Variants in PDE1A observed in about 807,000 individuals in gnomAD.
The protein encoded by PDE1A is dual specificity calcium/calmodulin-dependent 3',5'-cyclic nucleotide phosphodiesterase 1A.
In PDE1A, 35 loss-of-function variants were observed where a neutral mutation model predicts 61.7. The observed-to-expected ratio is 0.57, with a 90% CI of 0.43 to 0.75. PDE1A has a LOEUF of 0.75. PDE1A is among the 30% of genes least tolerant of loss of function. The pLI is 0.00. For synonymous variants in PDE1A, 232 were observed against 213.2 expected (o/e 1.09, Z -0.77); for missense variants, 597 against 630.6 (o/e 0.95, Z 0.57).
At chr2:182,618,576 AC>A in the PDE1A span, among the ~76,000 whole-genome samples, 50 of 58,612 alleles carry the variant, frequency 8.5e-4, no homozygotes, top group East Asian at 0.018. Context: ...TTGCAAAAAA[AC>A]AAAAGAATAG....
intron 1 of PDE1A, among the ~76,000 whole-genome samples, chr2:182,274,131 G>C (rs931898987): frequency 4.6e-5 from 7 of 151,974 alleles, no homozygotes; most frequent in Non-Finnish European, 8.8e-5. Context: ...ATTCAGGAGA[G>C]CTCTGCCCCC....
chr2:182,184,054 G>GA (rs1325067927), intron 13 of PDE1A, among the ~76,000 whole-genome samples: 1 of 135,558 alleles, frequency 7.4e-6, no homozygotes, highest in Non-Finnish European at 1.6e-5. Context: ...AAGAAAGAAA[G>GA]AACAATTAAA....
intron 1 of PDE1A, among the ~76,000 whole-genome samples, chr2:182,312,043 T>G (rs921954500): frequency 2.0e-5 from 3 of 152,216 alleles, no homozygotes; most frequent in Non-Finnish European, 4.4e-5. Flanking sequence ...TCTGATGCTA[T>G]GAGTTATCTT....
At chr2:182,191,586 G>T (rs574477490) in intron 10 of PDE1A, among the ~76,000 whole-genome samples, 2,350 of 151,676 alleles carry the variant, frequency 0.015, 35 homozygotes, top group Middle Eastern at 0.061. Flanking sequence ...CTTAGAATCA[G>T]AAGATACAGT....
At chr2:182,509,661 T>C (rs927602550) in intron 2 of PDE1A, among the ~76,000 whole-genome samples, 1 of 152,190 alleles carries the variant, frequency 6.6e-6, no homozygotes, top group Admixed American at 6.5e-5. Context: ...AGATAAAAAG[T>C]AAAATCTTTC....
At chr2:182,527,303 T>TAAAAA (rs869281717), upstream of PDE1A, among the ~76,000 whole-genome samples, 6 of 22,834 alleles carry the variant, frequency 2.6e-4, no homozygotes, top group Non-Finnish European at 3.6e-4. Flanking sequence ...CCTTTCTCTA[T>TAAAAA]AAAAAAAAAA....
the PDE1A span, among the ~76,000 whole-genome samples, chr2:182,542,370 G>A: frequency 6.6e-6 from 1 of 152,040 alleles, no homozygotes; most frequent in Non-Finnish European, 1.5e-5. Context: ...TTAGAGACAA[G>A]GCCCAGATTT....
chr2:182,575,917 ATAT>A, the PDE1A span, among the ~76,000 whole-genome samples: 7 of 147,046 alleles, frequency 4.8e-5, no homozygotes, highest in South Asian at 1.1e-3. Flanking sequence ...ATATAGTATC[ATAT>A]TATTATACTA....
the PDE1A span, among the ~76,000 whole-genome samples, chr2:182,571,412 A>G: frequency 6.6e-6 from 1 of 152,140 alleles, no homozygotes; most frequent in Non-Finnish European, 1.5e-5. Flanking sequence ...TGATTACCAC[A>G]AACTTTGAGA....
the PDE1A span, among the ~76,000 whole-genome samples, chr2:182,663,740 A>G: frequency 6.6e-6 from 1 of 152,048 alleles, no homozygotes; most frequent in East Asian, 1.9e-4. Context: ...TTAGTACGTG[A>G]GTGACAAAAT....
At chr2:182,290,200 T>G (rs2125882507) in intron 1 of PDE1A, among the ~76,000 whole-genome samples, 1 of 152,258 alleles carries the variant, frequency 6.6e-6, no homozygotes, top group Admixed American at 6.5e-5. Flanking sequence ...GCCTTTTTTG[T>G]CCATTAAGCT....
intron 2 of PDE1A, among the ~76,000 whole-genome samples, chr2:182,505,430 A>G (rs1295831043): frequency 6.6e-6 from 1 of 152,186 alleles, no homozygotes; most frequent in African/African-American, 2.4e-5. Context: ...ACATAGATAT[A>G]CCAAAAAAGT....
intron 1 of PDE1A, among the ~76,000 whole-genome samples, chr2:182,358,871 T>C (rs1241102483): frequency 6.6e-6 from 1 of 152,150 alleles, no homozygotes; most frequent in Non-Finnish European, 1.5e-5. Flanking sequence ...GCATTCAAAC[T>C]GAGGCCATCT....
chr2:182,625,485 C>T, the PDE1A span, among the ~76,000 whole-genome samples: 1 of 152,184 alleles, frequency 6.6e-6, no homozygotes, highest in African/African-American at 2.4e-5. Flanking sequence ...GTTCAGGGCA[C>T]TTGCCTACAT....
At chr2:182,162,658 A>T (rs1431712533) in intron 13 of PDE1A, among the ~76,000 whole-genome samples, 1 of 152,070 alleles carries the variant, frequency 6.6e-6, no homozygotes, top group African/African-American at 2.4e-5. Flanking sequence ...GCCTTGTATC[A>T]GGGAAAGGAA....
intron 7 of PDE1A, among the ~76,000 whole-genome samples, chr2:182,214,736 C>T (rs949351322): frequency 7.3e-5 from 10 of 136,816 alleles, no homozygotes; most frequent in South Asian, 2.5e-4. Context: ...ATATATGCAC[C>T]CAATACAGGA....
At chr2:182,542,646 C>T in the PDE1A span, among the ~76,000 whole-genome samples, 1 of 152,022 alleles carries the variant, frequency 6.6e-6, no homozygotes, top group Non-Finnish European at 1.5e-5. Flanking sequence ...AATAGTAATG[C>T]CTATTTAGGG....
chr2:182,557,543 C>T, the PDE1A span, among the ~76,000 whole-genome samples: 3 of 151,890 alleles, frequency 2.0e-5, no homozygotes, highest in Non-Finnish European at 4.4e-5. Context: ...GAGACCCCAT[C>T]TATACAAAAA....
At chr2:182,420,891 T>C (rs1703235923) in intron 1 of PDE1A, among the ~76,000 whole-genome samples, 1 of 152,200 alleles carries the variant, frequency 6.6e-6, no homozygotes. Flanking sequence ...CAATTATAGC[T>C]TGTGTCCAAG....
Sources: gnomAD v4.1 joint callset for allele counts (sites outside exome capture counted in the v4.1 genomes callset) on GRCh38, gnomAD v4.1.1 for gene constraint, MANE v1.5 for transcripts, NCBI Gene and HGNC (gene_info 2026-07-23, HGNC 2026-07-21) for gene names.